The following GABRB1 variants were observed in gnomAD, a reference collection of about 807,000 sequenced individuals.
GABRB1 encodes gamma-aminobutyric acid receptor subunit beta-1.
A neutral mutation model predicts 51.6 loss-of-function variants in GABRB1; 17 were observed. That is an observed-to-expected ratio of 0.33 (90% CI 0.23 to 0.49). The LOEUF is 0.49. Ranked by LOEUF, GABRB1 falls within the 20% of genes least tolerant of loss-of-function variation. GABRB1 has a pLI of 0.99. For synonymous variants in GABRB1, 247 were observed against 218.9 expected, an observed-to-expected ratio of 1.13 and a Z score of -1.14; for missense variants, 410 against 600.6, an observed-to-expected ratio of 0.68 and a Z score of 3.32.
At chr4:47,260,505 C>T (rs1392815692) in intron 4 of GABRB1, among the ~76,000 whole-genome samples, 3 of 152,042 alleles carry the variant, frequency 2.0e-5, no homozygotes, top group Non-Finnish European at 2.9e-5. Flanking sequence ...TTCAGGAGCT[C>T]TTTTAGGGCA....
chr4:47,333,813 G>C (rs898097300), intron 5 of GABRB1, among the ~76,000 whole-genome samples: 3 of 152,058 alleles, frequency 2.0e-5, no homozygotes, highest in Non-Finnish European at 4.4e-5. Context: ...ATTTCTGTGT[G>C]TTAATCTTCA....
Position 47,008,725 on chromosome 4 carries a change from G to A in GABRB1, c.-20+14799G>A, listed in dbSNP as rs561814694. ...AACTCCTGACCTCAAGTGATCCACCGGCCTTGGCCTCTGAAAGTGCTGGGA... is the reference window on the plus strand; with the variant it reads ...AACTCCTGACCTCAAGTGATCCACCAGCCTTGGCCTCTGAAAGTGCTGGGA... On this transcript the variant is annotated intron_variant, in intron 1 of 3. Transcript: ENST00000513567. Among the ~76,000 whole-genome samples the A allele has an allele frequency of 2.2e-4, 32 of 148,264 alleles. No homozygotes were observed. The East Asian group carries it at 3.0e-3, about 14-fold the overall frequency.
chr4:47,050,540 G>T (rs1421816946), intron 3 of GABRB1, among the ~76,000 whole-genome samples: 1 of 152,108 alleles, frequency 6.6e-6, no homozygotes, highest in South Asian at 2.1e-4. Flanking sequence ...AATGCAAAGA[G>T]TTGAAGGAAG....
At chr4:47,106,302 G>C (rs574729392) in intron 3 of GABRB1, among the ~76,000 whole-genome samples, 1 of 151,950 alleles carries the variant, frequency 6.6e-6, no homozygotes, top group Non-Finnish European at 1.5e-5. Flanking sequence ...AAGACTCCAG[G>C]CTTGGTCTAT....
intron 5 of GABRB1, among the ~76,000 whole-genome samples, chr4:47,365,235 G>C (rs1369533955): frequency 6.6e-6 from 1 of 152,194 alleles, no homozygotes; most frequent in African/African-American, 2.4e-5. Context: ...CTACAATTAA[G>C]AGACACAGAC....
chr4:47,103,363 G>A (rs926601835), intron 3 of GABRB1, among the ~76,000 whole-genome samples: 1 of 151,822 alleles, frequency 6.6e-6, no homozygotes, highest in Non-Finnish European at 1.5e-5. Flanking sequence ...TTTTCCCAAT[G>A]GTAGCTTTCT....
intron 4 of GABRB1, among the ~76,000 whole-genome samples, chr4:47,181,272 G>A (rs1479038115): frequency 1.3e-5 from 2 of 151,778 alleles, no homozygotes; most frequent in Non-Finnish European, 2.9e-5. Flanking sequence ...GTTTGTTTTA[G>A]TTCAGGCTTC....
At chr4:47,175,407 T>C (rs1351399056) in intron 4 of GABRB1, among the ~76,000 whole-genome samples, 2 of 152,116 alleles carry the variant, frequency 1.3e-5, no homozygotes, top group South Asian at 4.1e-4. Flanking sequence ...TTTCCTACAA[T>C]GCACACTATA....
intron 1 of GABRB1, among the ~76,000 whole-genome samples, chr4:47,018,840 C>T (rs1160081242): frequency 6.6e-6 from 1 of 152,042 alleles, no homozygotes; most frequent in Non-Finnish European, 1.5e-5. Context: ...TTGATTTTGT[C>T]ATCTCAGGAA....
chr4:47,159,940 G>A (rs566387455), intron 3 of GABRB1, among the ~76,000 whole-genome samples: 16 of 152,140 alleles, frequency 1.1e-4, no homozygotes, highest in African/African-American at 3.4e-4. Context: ...GAATGTCTTA[G>A]AAAAAGTGAA....
At chr4:47,004,659 A>G (rs998206160) in intron 1 of GABRB1, among the ~76,000 whole-genome samples, 1 of 152,190 alleles carries the variant, frequency 6.6e-6, no homozygotes, top group African/African-American at 2.4e-5. Flanking sequence ...TATTCCAACT[A>G]TTGGTGCGGC....
intron 1 of GABRB1, among the ~76,000 whole-genome samples, chr4:47,003,605 A>G (rs1004734951): frequency 2.6e-5 from 4 of 152,236 alleles, no homozygotes; most frequent in African/African-American, 4.8e-5. Context: ...TCCCACTTCC[A>G]TGACAGAATT....
chr4:47,320,770 C>CTTTTTT (rs11313211), intron 5 of GABRB1, among the ~76,000 whole-genome samples: 1 of 105,028 alleles, frequency 9.5e-6, no homozygotes, highest in Non-Finnish European at 2.0e-5. Flanking sequence ...TTTCTTTTTT[C>CTTTTTT]TTTTTTTTTT....
chr4:47,004,835 T>C (rs969375037), intron 1 of GABRB1, among the ~76,000 whole-genome samples: 9 of 152,258 alleles, frequency 5.9e-5, no homozygotes, highest in African/African-American at 1.9e-4. Flanking sequence ...TTAAAAATTA[T>C]ACTTCTAGGA....
At chr4:47,192,952 C>T (rs997353969) in intron 4 of GABRB1, among the ~76,000 whole-genome samples, 1 of 152,116 alleles carries the variant, frequency 6.6e-6, no homozygotes, top group Non-Finnish European at 1.5e-5. Context: ...CCTGAATAAC[C>T]TCAAGTTCAC....
intron 5 of GABRB1, among the ~76,000 whole-genome samples, chr4:47,344,163 A>G (rs1024734155): frequency 1.3e-5 from 2 of 152,192 alleles, no homozygotes; most frequent in African/African-American, 4.8e-5. Flanking sequence ...AATTCTGGAT[A>G]TGATATGTCA....
intron 5 of GABRB1, among the ~76,000 whole-genome samples, chr4:47,328,649 C>T (rs1725344478): frequency 1.3e-5 from 2 of 152,054 alleles, no homozygotes; most frequent in African/African-American, 2.4e-5. Context: ...CCATCATTCT[C>T]AGCAAACTAT....
chr4:47,069,635 C>T (rs575372911), intron 3 of GABRB1, among the ~76,000 whole-genome samples: 1 of 152,286 alleles, frequency 6.6e-6, no homozygotes, highest in East Asian at 1.9e-4. Context: ...CACTTTTGTA[C>T]TTTAAATATG....
chr4:47,255,507 A>T (rs890794719), intron 4 of GABRB1, among the ~76,000 whole-genome samples: 1 of 152,238 alleles, frequency 6.6e-6, no homozygotes, highest in African/African-American at 2.4e-5. Context: ...ACAAGCATTT[A>T]TTGTCCTCTT....
Sources: allele counts gnomAD v4.1 joint callset (sites outside exome capture counted in the v4.1 genomes callset), GRCh38; gene constraint gnomAD v4.1.1; transcripts MANE v1.5; gene names NCBI Gene and HGNC (gene_info 2026-07-23, HGNC 2026-07-21).